Variants in COL4A2 observed in about 807,000 individuals in gnomAD.
The protein encoded by COL4A2 is collagen type IV alpha 2 chain, also known as collagen alpha-2(IV) chain.
In COL4A2, 99 loss-of-function variants were observed where a neutral mutation model predicts 200.2. That is an observed-to-expected ratio of 0.49 (90% CI 0.42 to 0.58). The LOEUF is 0.58. COL4A2 is among the 20% of genes least tolerant of loss of function. The pLI, the probability that COL4A2 is intolerant of heterozygous loss-of-function variation, is 0.00. For synonymous variants in COL4A2, 897 were observed against 900.6 expected (o/e 1.00, Z 0.07); for missense variants, 1,950 against 2,314.1 (o/e 0.84, Z 3.23).
rs776451934 is a variant in COL4A2, at chr13:110,307,877, G to A, written c.-27G>A. On this transcript the variant is annotated 5_prime_UTR_variant, in exon 2 of 48. Transcript: ENST00000360467. The surrounding 1 kb of genome is among the most constrained non-coding windows in gnomAD (Gnocchi z 5.0). ...GCCTCTAGGCTAAGTGGGACTGACC[G>A]GGGCCCAGAGTGGACGAACCGCCAG... The A allele has an allele frequency of 6.2e-7, 1 of 1,608,098 alleles. No homozygotes were observed. The highest frequency in any genetic ancestry group is 1.7e-4 in the Middle Eastern group (1 of 5,932).
At chr13:110,421,174 GA>G (rs1880236776) in intron 4 of COL4A2, among the ~76,000 whole-genome samples, 1 of 152,176 alleles carries the variant, frequency 6.6e-6, no homozygotes, top group African/African-American at 2.4e-5. Context: ...TGTGGAAAAA[GA>G]AATTTAGCAA....
intron 3 of COL4A2, among the ~76,000 whole-genome samples, chr13:110,350,536 A>G (rs1209340217): frequency 6.6e-6 from 1 of 152,226 alleles, no homozygotes; most frequent in East Asian, 1.9e-4. Flanking sequence ...TAGGACAGAC[A>G]TGCCAGGCAC....
intron 3 of COL4A2, among the ~76,000 whole-genome samples, chr13:110,331,503 C>T (rs535461330): frequency 1.7e-4 from 26 of 152,288 alleles, no homozygotes; most frequent in African/African-American, 5.5e-4. Flanking sequence ...GTTACTGGGC[C>T]GCTGACTTCC....
intron 18 of COL4A2, among the ~76,000 whole-genome samples, chr13:110,447,216 C>G (rs1418402532): frequency 6.6e-6 from 1 of 152,202 alleles, no homozygotes; most frequent in Non-Finnish European, 1.5e-5. Flanking sequence ...TCCAGGGCAG[C>G]AGCCCCAGCC....
rs932791811 is a variant in COL4A2, at chr13:110,493,412, A to G, written c.3634+130A>G. 3.2e-6 allele frequency: 3 copies of G among 929,970 alleles called. No individual in the cohort carries two copies. In the African/African-American group the frequency reaches 5.0e-5, roughly 15 times the overall value. 57.6% of individuals were successfully genotyped at this position (929,970 alleles called of 1,614,324 possible). On this transcript the variant is annotated intron_variant, in intron 39 of 47. Coordinates refer to ENST00000360467, the MANE Select transcript of COL4A2 (RefSeq NM_001846.4). Reference sequence around the variant, plus strand: ...AGCAGGGTGGGCTTCCTGAAGTGCTATGCGATCGGCCGTGAGGGGCGGGTC... The same window carrying G: ...AGCAGGGTGGGCTTCCTGAAGTGCTGTGCGATCGGCCGTGAGGGGCGGGTC...
At chr13:110,439,873 C>T (rs1445652047) in intron 16 of COL4A2, 40 bp downstream of exon 16, 33 of 1,605,468 alleles carry the variant, frequency 2.1e-5, no homozygotes, top group South Asian at 1.5e-4. Context: ...TCTGGGCCCA[C>T]GACATCCCAC....
chr13:110,383,806 T>G (rs1178528648), intron 4 of COL4A2, among the ~76,000 whole-genome samples: 2 of 152,066 alleles, frequency 1.3e-5, no homozygotes, highest in African/African-American at 4.8e-5. Flanking sequence ...AGAGATGAGT[T>G]TCAGCCTGTT....
At chr13:110,353,804 C>T (rs1039056197) in intron 3 of COL4A2, among the ~76,000 whole-genome samples, 2 of 152,166 alleles carry the variant, frequency 1.3e-5, no homozygotes, top group African/African-American at 2.4e-5. Flanking sequence ...TGTGCACGCA[C>T]GGCTGGCATG....
intron 4 of COL4A2, among the ~76,000 whole-genome samples, chr13:110,413,022 T>A (rs1879904604): frequency 6.6e-6 from 1 of 152,056 alleles, no homozygotes; most frequent in Non-Finnish European, 1.5e-5. Context: ...AGAGTTGAGA[T>A]TGCGGATGAT....
intron 43 of COL4A2, 114 bp from the exon 44 acceptor site, chr13:110,503,733 A>C: frequency 7.6e-7 from 1 of 1,308,208 alleles, no homozygotes. Flanking sequence ...TAGAAAGCAC[A>C]GTTGTCTGGG....
intron 3 of COL4A2, 102 bp downstream of exon 3, chr13:110,308,225 G>A (rs1884857518): frequency 7.5e-7 from 1 of 1,327,036 alleles, no homozygotes; most frequent in Non-Finnish European, 1.1e-6. Flanking sequence ...CCGAGTGTGT[G>A]TGTGCGTGTG....
At chr13:110,438,712 T>C (rs1881000585) in intron 15 of COL4A2, 44 bp downstream of exon 15, 1 of 1,613,028 alleles carries the variant, frequency 6.2e-7, no homozygotes, top group Admixed American at 1.7e-5. Flanking sequence ...TTTGGTTTGG[T>C]TTTTTTCAGT....
chr13:110,333,646 C>T (rs1403287366), intron 3 of COL4A2, among the ~76,000 whole-genome samples: 2 of 152,204 alleles, frequency 1.3e-5, no homozygotes, highest in Non-Finnish European at 1.5e-5. Flanking sequence ...GGACCGCTCA[C>T]GAACCGTGGT....
At chr13:110,412,778 C>T (rs1566519359) in intron 4 of COL4A2, among the ~76,000 whole-genome samples, 1 of 152,184 alleles carries the variant, frequency 6.6e-6, no homozygotes, top group Non-Finnish European at 1.5e-5. Context: ...ATTCCAGAGC[C>T]CTTGCCTCAT....
intron 39 of COL4A2, 82 bp from the exon 40 acceptor site, chr13:110,495,260 C>A (rs1401062555): frequency 4.5e-6 from 7 of 1,555,550 alleles, no homozygotes; most frequent in Non-Finnish European, 5.3e-6. Flanking sequence ...TTTTGAGGCA[C>A]CCCAAGCTGT....
Position 110,501,784 on chromosome 13 carries a change from G to A in COL4A2, c.3877G>A (p.Gly1293Ser). 6.2e-7 allele frequency: 1 copy of A among 1,613,156 alleles called. No homozygotes were observed. Among genetic ancestry groups the A allele is most frequent in the Non-Finnish European group, 8.5e-7 (1 of 1,179,434 alleles). The change falls in exon 41 of 48, where the codon GGT becomes AGT. Residue 1293 changes from glycine to serine, a missense_variant and splice_region_variant. Physicochemically the swap from Gly to Ser is moderately conservative, Grantham distance 56 (BLOSUM62 0). This residue lies in a region of COL4A2 where 1,385 missense variants were observed against 1,720.5 expected (regional missense o/e 0.80). Coordinates refer to ENST00000360467, the MANE Select transcript of COL4A2 (RefSeq NM_001846.4). ...GGCGCCAGGGATATTTGGCCTGAAAGGTAAGCAGGACTTATACATCTGTGC... is the reference window on the plus strand; with the variant it reads ...GGCGCCAGGGATATTTGGCCTGAAAAGTAAGCAGGACTTATACATCTGTGC... ...KGAPGIFGLK[G>S]YRGPPGPPGS...
At chr13:110,501,137 G>A (rs1241034087) in intron 40 of COL4A2, among the ~76,000 whole-genome samples, 2 of 152,136 alleles carry the variant, frequency 1.3e-5, no homozygotes, top group Non-Finnish European at 2.9e-5. Flanking sequence ...TTTAGTGAGT[G>A]GACAAATTGG....
At chr13:110,411,805 A>G (rs7140025) in intron 4 of COL4A2, among the ~76,000 whole-genome samples, 113,730 of 151,622 alleles carry the variant, frequency 0.75, 42,953 homozygotes, top group East Asian at 0.93. Flanking sequence ...GTGGATGACA[A>G]TGCCCTATGG....
At position 110,428,472 on chromosome 13, in the gene COL4A2, C is replaced by T. The variant is rs1880549211; in HGVS notation, c.366C>T (p.His122=). Reference sequence around the variant, plus strand: ...CTCACTGCTCTCTTTCCCAGGGACACCCGGGGCAAGGTGGGCCCAGGGGAA... The same window carrying T: ...CTCACTGCTCTCTTTCCCAGGGACATCCGGGGCAAGGTGGGCCCAGGGGAA... ...GFPGADGIPG[H]PGQGGPRGRP... is the part of the protein sequence containing the mutation. Residue 122 remains histidine (H), a synonymous_variant, in exon 7 of 48, where the codon CAC becomes CAT. Transcript: ENST00000360467. The T allele has an allele frequency of 1.3e-6, 2 of 1,573,076 alleles. No homozygotes were observed. Among genetic ancestry groups the T allele is most frequent in the East Asian group, 4.9e-5 (2 of 41,070 alleles).
Sources: gnomAD v4.1 joint callset for allele counts (sites outside exome capture counted in the v4.1 genomes callset) on GRCh38, gnomAD v4.1.1 for gene constraint, gnomAD v4.1.1 regional missense constraint, Gnocchi (gnomAD v3.1) non-coding constraint, MANE v1.5 for transcripts, NCBI Gene and HGNC (gene_info 2026-07-23, HGNC 2026-07-21) for gene names.